The following GSG1L variants were observed in gnomAD, a reference collection of about 807,000 sequenced individuals.
GSG1L encodes the protein germ cell-specific gene 1-like protein.
In GSG1L, 24 loss-of-function variants were observed where a neutral mutation model predicts 42.1. That is an observed-to-expected ratio of 0.57 (90% CI 0.41 to 0.80). GSG1L has a LOEUF of 0.80. GSG1L is among the 30% of genes least tolerant of loss of function. GSG1L has a pLI of 0.00. For missense variants in GSG1L, 445 were observed against 472.2 expected (o/e 0.94, Z 0.53); for synonymous variants, 215 against 203.5 (o/e 1.06, Z -0.48).
intron 2 of GSG1L, among the ~76,000 whole-genome samples, chr16:27,897,127 G>C (rs574343097): frequency 5.3e-5 from 8 of 152,110 alleles, no homozygotes; most frequent in Admixed American, 5.2e-4. Flanking sequence ...GCCTCCCAAA[G>C]TGCTGGGATA....
chr16:27,916,503 T>A (rs923001213), intron 2 of GSG1L, among the ~76,000 whole-genome samples: 1 of 98,740 alleles, frequency 1.0e-5, no homozygotes, highest in African/African-American at 3.4e-5. Flanking sequence ...TTTTTTTTTT[T>A]GTAGAGATGA....
intron 6 of GSG1L, among the ~76,000 whole-genome samples, chr16:27,792,392 C>T (rs776928063): frequency 2.0e-5 from 3 of 152,164 alleles, no homozygotes; most frequent in African/African-American, 2.4e-5. Flanking sequence ...AGGGGAAGGG[C>T]TGGAAAGGCT....
chr16:27,824,291 T>G (rs1389982419), intron 5 of GSG1L, among the ~76,000 whole-genome samples: 1 of 152,160 alleles, frequency 6.6e-6, no homozygotes, highest in Non-Finnish European at 1.5e-5. Context: ...GCTCAGCGCC[T>G]CACCCCAAAT....
chr16:28,060,071 T>G (rs1477896498), intron 1 of GSG1L, among the ~76,000 whole-genome samples: 1 of 151,918 alleles, frequency 6.6e-6, no homozygotes, highest in African/African-American at 2.4e-5. Context: ...ATCTCCTGGT[T>G]GGTGTTCGCA....
At chr16:27,847,953 T>G (rs1428129766) in intron 3 of GSG1L, among the ~76,000 whole-genome samples, 1 of 152,212 alleles carries the variant, frequency 6.6e-6, no homozygotes, top group Non-Finnish European at 1.5e-5. Context: ...TAGTTCTTTA[T>G]AGCAATGTGA....
At chr16:27,857,728 CTCA>C (rs750220790) in intron 3 of GSG1L, among the ~76,000 whole-genome samples, 2 of 152,134 alleles carry the variant, frequency 1.3e-5, no homozygotes, top group Non-Finnish European at 2.9e-5. Context: ...CCATCTCTCT[CTCA>C]TTTTTGTCTC....
chr16:27,807,566 A>AAAAAAC lies in GSG1L; in HGVS notation c.831-18_831-13dup, dbSNP rs540441054. On this transcript the variant is annotated splice_polypyrimidine_tract_variant and intron_variant, in intron 5 of 6. Coordinates refer to ENST00000447459, the MANE Select transcript of GSG1L (RefSeq NM_001109763.2). Reference sequence around the variant, plus strand: ...CCCTCTTCTCCATCCTGGAAAGAAAAAAAAACAAAAACAAAATCCTAGGTA... The same window carrying AAAAAAC: ...CCCTCTTCTCCATCCTGGAAAGAAAAAAAAACAAAAACAAAAACAAAATCCTAGGTA... 1,497 of 1,608,106 alleles carry AAAAAAC rather than the reference A, an allele frequency of 9.3e-4. 12 individuals are homozygous for AAAAAAC. The African/African-American group carries it at 0.014, about 15-fold the overall frequency.
At chr16:27,871,633 C>T (rs1213367523) in intron 3 of GSG1L, among the ~76,000 whole-genome samples, 1 of 152,004 alleles carries the variant, frequency 6.6e-6, no homozygotes, top group Non-Finnish European at 1.5e-5. Flanking sequence ...AGAGGGAGAT[C>T]CTGTCTCAAA....
chr16:28,001,105 G>A (rs950880256), intron 1 of GSG1L, among the ~76,000 whole-genome samples: 1 of 152,146 alleles, frequency 6.6e-6, no homozygotes, highest in East Asian at 1.9e-4. Flanking sequence ...AGACAAAAAA[G>A]GAAAAGAAAA....
intron 2 of GSG1L, among the ~76,000 whole-genome samples, chr16:27,951,177 G>A (rs909469647): frequency 6.6e-6 from 1 of 152,206 alleles, no homozygotes; most frequent in African/African-American, 2.4e-5. Flanking sequence ...GGCATCAGGT[G>A]AGCCAGCCTC....
At chr16:27,906,668 G>A (rs139524176) in intron 2 of GSG1L, among the ~76,000 whole-genome samples, 206 of 152,188 alleles carry the variant, frequency 1.4e-3, no homozygotes, top group African/African-American at 4.8e-3. Context: ...TCTTCATCAA[G>A]GAACCAGAAA....
chr16:27,792,125 C>T (rs893601081), intron 6 of GSG1L, among the ~76,000 whole-genome samples: 1 of 152,176 alleles, frequency 6.6e-6, no homozygotes, highest in Non-Finnish European at 1.5e-5. Context: ...CATCCTGCAG[C>T]TGTCTCCCCA....
chr16:27,883,138 A>AAG (rs1321719505), intron 3 of GSG1L, among the ~76,000 whole-genome samples: 6 of 25,706 alleles, frequency 2.3e-4, no homozygotes, highest in Non-Finnish European at 6.6e-4. Flanking sequence ...AAAAAAAAAA[A>AAG]AGAGAGAGAG....
chr16:28,061,116 G>T lies in GSG1L; in HGVS notation c.349+1960C>A, dbSNP rs1000632464. Among the ~76,000 whole-genome samples the T allele has an allele frequency of 2.0e-5, 3 of 152,132 alleles. No individual in the cohort carries two copies. In the East Asian group the frequency reaches 5.8e-4, roughly 29 times the overall value. Reference sequence around the variant, plus strand: ...GCACAGAGGAAGGGAGGCAGAGGTGGTATCTCCCCAGGGCTGGGTCTCCTG... The same window carrying T: ...GCACAGAGGAAGGGAGGCAGAGGTGTTATCTCCCCAGGGCTGGGTCTCCTG... On this transcript the variant is annotated intron_variant, in intron 1 of 6. Coordinates refer to ENST00000447459, the MANE Select transcript of GSG1L (RefSeq NM_001109763.2).
At chr16:27,899,894 G>A (rs1383995041) in intron 2 of GSG1L, among the ~76,000 whole-genome samples, 1 of 152,174 alleles carries the variant, frequency 6.6e-6, no homozygotes, top group Non-Finnish European at 1.5e-5. Flanking sequence ...AGACTGAGTG[G>A]GTGGTGGGGA....
Position 27,912,282 on chromosome 16 carries a change from G to A in GSG1L, c.398-27644C>T, listed in dbSNP as rs148347730. ...TAATCCTAGCACTTCAAGAGGCTGA[G>A]GCAGGAGGATCGCTTAAGCCCAGGA... On this transcript the variant is annotated intron_variant, in intron 2 of 6. Transcript: ENST00000447459. Among the ~76,000 whole-genome samples, 152 of 152,326 alleles carry A rather than the reference G, an allele frequency of 1.0e-3. 6 individuals are homozygous for A. In the East Asian group the frequency reaches 0.021, roughly 21 times the overall value.
At chr16:27,926,365 G>A (rs189276756) in intron 2 of GSG1L, among the ~76,000 whole-genome samples, 6 of 152,314 alleles carry the variant, frequency 3.9e-5, no homozygotes, top group Admixed American at 2.6e-4. Context: ...GGTGGAGGCG[G>A]CAGACAACTG....
Position 27,942,225 on chromosome 16 carries a change from C to T in GSG1L, c.397+20931G>A, listed in dbSNP as rs551155446. On this transcript the variant is annotated intron_variant, in intron 2 of 6. Coordinates refer to ENST00000447459, the MANE Select transcript of GSG1L (RefSeq NM_001109763.2). Reference sequence around the variant, plus strand: ...AGTGCAGTGGCACAATCTCGGCTCACGGCAACCTCTGCCTCCCGGGTTCAA... The same window carrying T: ...AGTGCAGTGGCACAATCTCGGCTCATGGCAACCTCTGCCTCCCGGGTTCAA... 1.1e-4 allele frequency among the ~76,000 whole-genome samples: 16 copies of T among 151,634 alleles called. No homozygotes were observed. The South Asian group carries it at 1.5e-3, about 14-fold the overall frequency.
At chr16:27,958,533 T>C (rs996483299) in intron 2 of GSG1L, among the ~76,000 whole-genome samples, 7 of 152,236 alleles carry the variant, frequency 4.6e-5, no homozygotes, top group East Asian at 1.9e-4. Flanking sequence ...TGATTTTATA[T>C]ATCAAATATA....
Sources: gnomAD v4.1 joint callset for allele counts (sites outside exome capture counted in the v4.1 genomes callset) on GRCh38, gnomAD v4.1.1 for gene constraint, MANE v1.5 for transcripts, NCBI Gene and HGNC (gene_info 2026-07-23, HGNC 2026-07-21) for gene names.